ABCA6: variants seen among roughly 807,000 people sequenced by gnomAD.
ABCA6 encodes the protein ATP binding cassette subfamily A member 6.
In ABCA6, 164 loss-of-function variants were observed where a neutral mutation model predicts 191.2. The observed-to-expected ratio is 0.86, with a 90% confidence interval of 0.76 to 0.98. ABCA6 has a LOEUF of 0.98. Among genes scored for constraint, ABCA6 ranks in the 50% least tolerant of loss-of-function variants. ABCA6 has a pLI of 0.00. For missense variants in ABCA6, 1,958 were observed against 1,894.1 expected, an observed-to-expected ratio of 1.03 and a Z score of -0.63; for synonymous variants, 636 against 647.7, an observed-to-expected ratio of 0.98 and a Z score of 0.27.
intron 6 of ABCA6, among the ~76,000 whole-genome samples, chr17:69,133,388 G>C (rs1231471613): frequency 6.6e-6 from 1 of 152,100 alleles, no homozygotes; most frequent in East Asian, 1.9e-4. Flanking sequence ...CATTTTCCTT[G>C]CTTATAAAAT....
At chr17:69,079,711 T>C (rs2072582719) in intron 37 of ABCA6, among the ~76,000 whole-genome samples, 1 of 152,198 alleles carries the variant, frequency 6.6e-6, no homozygotes, top group Non-Finnish European at 1.5e-5. Flanking sequence ...CATATCCACA[T>C]GTGCATACTT....
At chr17:69,137,227 G>T (rs2073963403) in intron 3 of ABCA6, 69 bp downstream of exon 3, 24 of 1,394,804 alleles carry the variant, frequency 1.7e-5, no homozygotes, top group Admixed American at 2.0e-5. Context: ...TCAAATTAAT[G>T]TGTAGACAAC....
At position 69,123,295 on chromosome 17, in the gene ABCA6, G is replaced by A. The variant is rs778707189; in HGVS notation, c.1380C>T (p.Pro460=). The change falls in exon 10 of 39, where the codon CCC becomes CCT. Residue 460 remains proline, a synonymous_variant. Transcript: ENST00000284425. ...CTACTGGTTCAAAATAATCATCAGA[G>A]GGATGCTCAGCATCGATTTCTTTCT... ...VIEKEIDAEH[P]SDDYFEPVAP... is the part of the protein sequence containing the mutation. 12 of 1,561,764 alleles carry A rather than the reference G, an allele frequency of 7.7e-6. No homozygotes were observed. The Admixed American group carries it at 1.9e-4, about 25-fold the overall frequency.
chr17:69,138,632 C>T (rs1462550227), intron 2 of ABCA6, among the ~76,000 whole-genome samples: 14 of 151,256 alleles, frequency 9.3e-5, no homozygotes, highest in East Asian at 7.7e-4. Flanking sequence ...GAGCCCGCAT[C>T]GCCAAGTCAA....
chr17:69,111,499 C>G (rs1462426247), intron 16 of ABCA6: 1 of 152,386 alleles, frequency 6.6e-6, no homozygotes, highest in African/African-American at 2.4e-5. Flanking sequence ...TCATGCTGTT[C>G]TCATGATAGT....
intron 1 of ABCA6, 109 bp downstream of exon 1, chr17:69,141,636 T>C (rs963260012): frequency 1.3e-5 from 2 of 152,124 alleles, no homozygotes; most frequent in Admixed American, 6.6e-5. Context: ...TAGTCTTAGG[T>C]CTTTAACATA....
Position 69,113,238 on chromosome 17 carries a change from C to G in ABCA6, c.2025G>C (p.Glu675Asp). ...VILFSTQSMDEADILADRKVI... is the reference protein window; with the variant it reads ...VILFSTQSMDDADILADRKVI... ...AACAATTACCAGCCAGGATGTCAGC[C>G]TCATCCATGGACTGGGTACTGAAAA... The change falls in exon 15 of 39, where the codon GAG (glutamate) becomes GAC (aspartate). Residue 675 changes from glutamate (E) to aspartate (D), a missense_variant. By Grantham distance (45) the Glu-to-Asp change is conservative. Coordinates refer to ENST00000284425, the MANE Select transcript of ABCA6 (RefSeq NM_080284.3). 1 of 1,603,780 alleles carries G rather than the reference C, an allele frequency of 6.2e-7. No homozygotes were observed. Among genetic ancestry groups the G allele is most frequent in the Non-Finnish European group, 8.5e-7 (1 of 1,176,584 alleles).
rs2073722273 is a variant in ABCA6 at position 69,124,963 on chromosome 17, C to T, written c.1192G>A (p.Ala398Thr). The T allele has an allele frequency of 6.4e-7, 1 of 1,570,370 alleles. No homozygotes were observed. The highest frequency in any genetic ancestry group is 1.8e-5 in the Admixed American group (1 of 55,900). Reference sequence around the variant, plus strand: ...TCCAAAAGCAACATAGAAAAAGTTGCTATCATTGTATATGAGTCTCCTGAA... The same window carrying T: ...TCCAAAAGCAACATAGAAAAAGTTGTTATCATTGTATATGAGTCTCCTGAA... Reference protein sequence around the residue: ...DPSGDSYTMIATFSMLLLDGL... With the variant: ...DPSGDSYTMITTFSMLLLDGL... The change falls in exon 9 of 39, where the codon GCA becomes ACA. Residue 398 changes from alanine (A) to threonine (T), a missense_variant. Transcript: ENST00000284425.
At chr17:69,113,812 A>G (rs1288410825) in intron 13 of ABCA6, 75 bp from the exon 14 acceptor site, 1 of 1,341,760 alleles carries the variant, frequency 7.5e-7, no homozygotes. Context: ...CACATGAAAA[A>G]ATGCTCATCA....
intron 25 of ABCA6, among the ~76,000 whole-genome samples, chr17:69,092,802 G>A (rs879190304): frequency 3.9e-5 from 6 of 152,174 alleles, no homozygotes; most frequent in Admixed American, 2.6e-4. Flanking sequence ...ATATGATCCT[G>A]TGAGGAGTAA....
At chr17:69,105,661 TC>T in intron 19 of ABCA6, 33 bp from the exon 20 acceptor site, 1 of 1,384,430 alleles carries the variant, frequency 7.2e-7, no homozygotes, top group Non-Finnish European at 1.0e-6. Flanking sequence ...CATATTAATC[TC>T]CAGGAATTTT....
At chr17:69,085,749 A>G in intron 30 of ABCA6, 33 bp from the exon 31 acceptor site, 1 of 1,415,008 alleles carries the variant, frequency 7.1e-7, no homozygotes, top group Non-Finnish European at 1.0e-6. Context: ...CAATATTGGA[A>G]GTGAAATACT....
At chr17:69,137,159 AC>A (rs2073962268) in intron 3 of ABCA6, 136 bp downstream of exon 3, 3 of 828,540 alleles carry the variant, frequency 3.6e-6, no homozygotes, top group Non-Finnish European at 5.6e-6. Flanking sequence ...CAATAATCTA[AC>A]CAGATTTGTA....
intron 1 of ABCA6, among the ~76,000 whole-genome samples, 187 bp from the exon 2 acceptor site, chr17:69,140,935 T>A (rs1357891421): frequency 6.6e-6 from 1 of 152,104 alleles, no homozygotes; most frequent in Non-Finnish European, 1.5e-5. Context: ...GGCAGAGTGA[T>A]TATTATCACA....
At chr17:69,105,697 A>G in intron 19 of ABCA6, 69 bp from the exon 20 acceptor site, 1 of 1,209,702 alleles carries the variant, frequency 8.3e-7, no homozygotes, top group Non-Finnish European at 1.2e-6. Context: ...ACATTCCACA[A>G]GTATTTGTTG....
chr17:69,084,663 T>C (rs2072731300), intron 32 of ABCA6, among the ~76,000 whole-genome samples, 156 bp from the exon 33 acceptor site: 1 of 112,184 alleles, frequency 8.9e-6, no homozygotes, highest in South Asian at 2.9e-4. Context: ...TTTTGGAACA[T>C]GAAAGACTTT....
chr17:69,087,419 T>C lies in ABCA6; in HGVS notation c.3753A>G (p.Glu1251=). The part of the protein sequence containing the change: ...AKPNPEEPID[E]DEDIQTERIR... ...TTCTTTCTGTTTGAATATCTTCATC[T>C]TCATCTATGGGTTCTTCTGGATTTG... is the stretch of plus-strand genomic sequence containing the variant. Residue 1251 remains glutamate (E), a synonymous_variant, in exon 29 of 39, where the codon GAA becomes GAG. Coordinates refer to ENST00000284425, the MANE Select transcript of ABCA6 (RefSeq NM_080284.3). 2 of 1,614,014 alleles carry C rather than the reference T, an allele frequency of 1.2e-6. No individual in the cohort carries two copies. The highest frequency in any genetic ancestry group is 8.5e-7 in the Non-Finnish European group (1 of 1,179,886).
chr17:69,086,458 A>C (rs1051514221), intron 30 of ABCA6, among the ~76,000 whole-genome samples, 160 bp downstream of exon 30: 3 of 144,828 alleles, frequency 2.1e-5, no homozygotes, highest in African/African-American at 7.6e-5. Context: ...TTGTATTTCC[A>C]GAGTCTAAAA....
intron 36 of ABCA6, among the ~76,000 whole-genome samples, chr17:69,082,065 G>C (rs2072648663): frequency 6.6e-6 from 1 of 152,080 alleles, no homozygotes; most frequent in Non-Finnish European, 1.5e-5. Context: ...ACCAGCCACT[G>C]CTCTTTCTGT....
Sources: allele counts gnomAD v4.1 joint callset (sites outside exome capture counted in the v4.1 genomes callset), GRCh38; gene constraint gnomAD v4.1.1; transcripts MANE v1.5; gene names NCBI Gene and HGNC (gene_info 2026-07-23, HGNC 2026-07-21).